Variants in LRRC4C observed in about 807,000 individuals in gnomAD.
LRRC4C encodes leucine-rich repeat-containing protein 4C.
In LRRC4C, 5 loss-of-function variants were observed where a neutral mutation model predicts 33.6. The ratio of observed to expected loss-of-function variants is 0.15; its 90% CI spans 0.08 to 0.31. LRRC4C has a LOEUF of 0.31. Ranked by LOEUF, LRRC4C falls within the 10% of genes least tolerant of loss-of-function variation. LRRC4C has a pLI of 1.00. For missense variants in LRRC4C, 560 were observed against 796.7 expected, an observed-to-expected ratio of 0.70 and a Z score of 3.58; for synonymous variants, 329 against 302.0, an observed-to-expected ratio of 1.09 and a Z score of -0.93.
chr11:40,968,221 C>G (rs1357435646), intron 1 of LRRC4C, among the ~76,000 whole-genome samples: 1 of 151,960 alleles, frequency 6.6e-6, no homozygotes, highest in Non-Finnish European at 1.5e-5. Flanking sequence ...AGAGGAAGGC[C>G]CTAATTTCTT....
At chr11:41,268,878 AAC>A (rs1413323542) in intron 1 of LRRC4C, among the ~76,000 whole-genome samples, 1 of 152,018 alleles carries the variant, frequency 6.6e-6, no homozygotes, top group African/African-American at 2.4e-5. Flanking sequence ...AGAAAAAAAA[AAC>A]ACAGAAAAAG....
At chr11:41,059,290 C>A (rs934645424) in intron 1 of LRRC4C, among the ~76,000 whole-genome samples, 2 of 85,102 alleles carry the variant, frequency 2.4e-5, no homozygotes, top group African/African-American at 4.0e-5. Flanking sequence ...ACAACAACAA[C>A]AAAAAACTTA....
chr11:40,765,273 T>C (rs1398261662), intron 2 of LRRC4C, among the ~76,000 whole-genome samples: 1 of 152,144 alleles, frequency 6.6e-6, no homozygotes, highest in East Asian at 1.9e-4. Context: ...AAGTTGTGAT[T>C]GTTCAAAAGT....
intron 1 of LRRC4C, among the ~76,000 whole-genome samples, chr11:41,013,695 C>T (rs1322160615): frequency 6.6e-6 from 1 of 152,082 alleles, no homozygotes; most frequent in Non-Finnish European, 1.5e-5. Context: ...TGTCTGGTGT[C>T]TCATAGATGA....
chr11:40,616,022 T>A (rs1014946425), intron 3 of LRRC4C, among the ~76,000 whole-genome samples: 2 of 151,490 alleles, frequency 1.3e-5, no homozygotes. Context: ...AAAGAGAATA[T>A]CAGGATCCGG....
intron 1 of LRRC4C, among the ~76,000 whole-genome samples, chr11:41,252,932 G>A (rs1013732848): frequency 1.3e-5 from 2 of 152,120 alleles, no homozygotes; most frequent in African/African-American, 4.8e-5. Flanking sequence ...ACCTCCCACT[G>A]TGTCCCTCCT....
intron 1 of LRRC4C, among the ~76,000 whole-genome samples, chr11:41,106,655 C>G (rs1941513759): frequency 6.6e-6 from 1 of 152,020 alleles, no homozygotes. Flanking sequence ...CATCATCTTT[C>G]TCATATTTCT....
chr11:40,716,340 TG>T (rs1350360615), intron 2 of LRRC4C, among the ~76,000 whole-genome samples: 1 of 152,134 alleles, frequency 6.6e-6, no homozygotes, highest in East Asian at 1.9e-4. Context: ...ATCTACTTGG[TG>T]TTAAAAAATA....
intron 5 of LRRC4C, among the ~76,000 whole-genome samples, chr11:40,196,236 A>G (rs1046511755): frequency 6.6e-6 from 1 of 152,206 alleles, no homozygotes; most frequent in African/African-American, 2.4e-5. Flanking sequence ...GTAAAAAAGG[A>G]TGAAACAAAC....
chr11:40,775,587 T>C (rs1049334851), intron 2 of LRRC4C, among the ~76,000 whole-genome samples: 1 of 152,208 alleles, frequency 6.6e-6, no homozygotes, highest in Non-Finnish European at 1.5e-5. Context: ...TTGAACATTA[T>C]TGATGCATGG....
intron 1 of LRRC4C, among the ~76,000 whole-genome samples, chr11:41,298,087 C>T (rs143414412): frequency 6.7e-4 from 102 of 152,256 alleles, no homozygotes; most frequent in African/African-American, 2.4e-3. Flanking sequence ...AAATGTGGTA[C>T]TAGTTATTAT....
chr11:40,821,009 G>A (rs1231291451), intron 2 of LRRC4C, among the ~76,000 whole-genome samples: 1 of 151,576 alleles, frequency 6.6e-6, no homozygotes. Context: ...CTACATAGTA[G>A]CAACAGAAAA....
intron 3 of LRRC4C, among the ~76,000 whole-genome samples, chr11:40,327,118 G>T (rs931102155): frequency 2.6e-5 from 4 of 152,200 alleles, no homozygotes; most frequent in Non-Finnish European, 4.4e-5. Context: ...GGTGGTCTAC[G>T]TTTGAGAGTT....
At chr11:40,796,255 C>A (rs1390718250) in intron 2 of LRRC4C, among the ~76,000 whole-genome samples, 1 of 152,152 alleles carries the variant, frequency 6.6e-6, no homozygotes, top group Non-Finnish European at 1.5e-5. Flanking sequence ...AATGTCTCAT[C>A]TCCGAAAGAG....
At chr11:40,889,203 C>T (rs1955589908) in intron 2 of LRRC4C, among the ~76,000 whole-genome samples, 1 of 152,060 alleles carries the variant, frequency 6.6e-6, no homozygotes, top group Admixed American at 6.5e-5. Flanking sequence ...TATCCATACA[C>T]ATTCTATACA....
chr11:41,378,215 G>C (rs1953012220), intron 1 of LRRC4C, among the ~76,000 whole-genome samples: 1 of 152,108 alleles, frequency 6.6e-6, no homozygotes, highest in Non-Finnish European at 1.5e-5. Flanking sequence ...TTTAATCAAA[G>C]AGAAACAGAT....
intron 2 of LRRC4C, among the ~76,000 whole-genome samples, chr11:40,851,618 A>C (rs962474646): frequency 6.6e-6 from 1 of 152,120 alleles, no homozygotes; most frequent in African/African-American, 2.4e-5. Flanking sequence ...TTAATTTAAA[A>C]AACAAATGAA....
intron 1 of LRRC4C, among the ~76,000 whole-genome samples, chr11:41,032,424 G>C (rs1037576429): frequency 6.6e-6 from 1 of 151,918 alleles, no homozygotes; most frequent in Non-Finnish European, 1.5e-5. Context: ...AACCCTAACA[G>C]AGAAGGATTT....
intron 1 of LRRC4C, among the ~76,000 whole-genome samples, chr11:40,988,251 G>A (rs1592270375): frequency 6.6e-6 from 1 of 152,010 alleles, no homozygotes; most frequent in African/African-American, 2.4e-5. Context: ...TCACTCCCAC[G>A]GTCCCAGCTC....
Sources: allele counts gnomAD v4.1 joint callset (sites outside exome capture counted in the v4.1 genomes callset), GRCh38; gene constraint gnomAD v4.1.1; transcripts MANE v1.5; gene names NCBI Gene and HGNC (gene_info 2026-07-23, HGNC 2026-07-21).